The following MAST4 variants were observed in gnomAD, a reference collection of about 807,000 sequenced individuals.
MAST4 encodes microtubule-associated serine/threonine-protein kinase 4.
A neutral mutation model predicts 162.7 loss-of-function variants in MAST4; 89 were observed. The ratio of observed to expected loss-of-function variants is 0.55; its 90% CI spans 0.46 to 0.65. The LOEUF is 0.65. Among genes scored for constraint, MAST4 ranks in the 30% least tolerant of loss-of-function variants. MAST4 has a pLI of 0.00. For synonymous variants in MAST4, 1,479 were observed against 1,361.1 expected (o/e 1.09, Z -1.91); for missense variants, 3,153 against 3,374.0 (o/e 0.93, Z 1.62).
intron 23 of MAST4, among the ~76,000 whole-genome samples, chr5:67,146,768 C>G (rs1771135327): frequency 6.6e-6 from 1 of 152,090 alleles, no homozygotes; most frequent in Non-Finnish European, 1.5e-5. Context: ...TGCGTAATTC[C>G]ACTTATCCTA....
chr5:66,872,896 CCT>C, intron 3 of MAST4, among the ~76,000 whole-genome samples: 1 of 152,232 alleles, frequency 6.6e-6, no homozygotes, highest in Middle Eastern at 3.4e-3. Context: ...TTTTGTTCCC[CCT>C]CTTTCTTTTG....
chr5:66,739,085 A>C (rs2149569742), intron 1 of MAST4, among the ~76,000 whole-genome samples: 1 of 152,308 alleles, frequency 6.6e-6, no homozygotes, highest in East Asian at 1.9e-4. Context: ...CCATCACTTA[A>C]ATGCATTTGT....
intron 15 of MAST4, 97 bp downstream of exon 15, chr5:67,130,515 C>A: frequency 8.1e-7 from 1 of 1,235,234 alleles, no homozygotes; most frequent in Non-Finnish European, 1.1e-6. Flanking sequence ...ATGGCTGTAT[C>A]CACCTAGGAA....
At chr5:66,709,355 G>C (rs2149521499) in intron 1 of MAST4, among the ~76,000 whole-genome samples, 1 of 152,224 alleles carries the variant, frequency 6.6e-6, no homozygotes, top group African/African-American at 2.4e-5. Context: ...TTGCTCTGTT[G>C]CCCAGGCTGG....
At chr5:66,979,594 G>GT (rs1281122932) in intron 4 of MAST4, among the ~76,000 whole-genome samples, 1 of 152,090 alleles carries the variant, frequency 6.6e-6, no homozygotes, top group Non-Finnish European at 1.5e-5. Context: ...GGACACATTT[G>GT]TTTTTTCTTT....
At chr5:66,778,194 C>G (rs1754691261) in intron 2 of MAST4, among the ~76,000 whole-genome samples, 1 of 152,128 alleles carries the variant, frequency 6.6e-6, no homozygotes, top group Admixed American at 6.5e-5. Flanking sequence ...TTTAATACTT[C>G]TTTAAAAATC....
At chr5:67,143,096 A>T (rs1470025162) in intron 21 of MAST4, 1 of 152,328 alleles carries the variant, frequency 6.6e-6, no homozygotes, top group Non-Finnish European at 1.5e-5. Flanking sequence ...ATAAGCAAAG[A>T]TACCTGCGGA....
intron 1 of MAST4, among the ~76,000 whole-genome samples, chr5:66,717,337 A>G: frequency 6.6e-6 from 1 of 152,216 alleles, no homozygotes; most frequent in Admixed American, 6.5e-5. Flanking sequence ...TTTTTAAAAC[A>G]TTTCTTCTCT....
intron 1 of MAST4, among the ~76,000 whole-genome samples, chr5:66,612,938 T>A (rs1248653253): frequency 6.6e-6 from 1 of 152,248 alleles, no homozygotes; most frequent in Non-Finnish European, 1.5e-5. Context: ...TTGTATCTAA[T>A]TAAAAATTAC....
intron 1 of MAST4, among the ~76,000 whole-genome samples, chr5:66,629,881 G>A (rs1428140845): frequency 6.6e-6 from 1 of 152,194 alleles, no homozygotes; most frequent in Non-Finnish European, 1.5e-5. Flanking sequence ...TCAAGTGTAG[G>A]AATATAGTTT....
At chr5:66,884,044 G>T (rs1183257167) in intron 3 of MAST4, among the ~76,000 whole-genome samples, 4 of 152,124 alleles carry the variant, frequency 2.6e-5, no homozygotes, top group Non-Finnish European at 5.9e-5. Context: ...GCTGGTATAT[G>T]GTGTGGCAAT....
At chr5:66,877,992 C>G (rs927441290) in intron 3 of MAST4, among the ~76,000 whole-genome samples, 1 of 152,158 alleles carries the variant, frequency 6.6e-6, no homozygotes, top group Non-Finnish European at 1.5e-5. Context: ...CAGTCAGTTG[C>G]TTCTGTTATG....
At chr5:66,988,973 A>G (rs1016676697) in intron 4 of MAST4, among the ~76,000 whole-genome samples, 1 of 152,240 alleles carries the variant, frequency 6.6e-6, no homozygotes, top group African/African-American at 2.4e-5. Flanking sequence ...TAATTGTTAA[A>G]TTTAATGCTC....
At chr5:66,993,304 T>G (rs1750252071) in intron 4 of MAST4, among the ~76,000 whole-genome samples, 1 of 152,258 alleles carries the variant, frequency 6.6e-6, no homozygotes, top group South Asian at 2.1e-4. Context: ...TTGTTTTTAG[T>G]TAACCTTAGA....
intron 4 of MAST4, among the ~76,000 whole-genome samples, chr5:67,037,431 A>G (rs2150467972): frequency 6.6e-6 from 1 of 152,308 alleles, no homozygotes; most frequent in Middle Eastern, 3.4e-3. Flanking sequence ...CTGGATCTGT[A>G]TTATGGAGTA....
intron 1 of MAST4, among the ~76,000 whole-genome samples, chr5:66,668,200 T>C (rs1382561807): frequency 2.0e-5 from 3 of 152,224 alleles, no homozygotes; most frequent in Non-Finnish European, 2.9e-5. Flanking sequence ...TGTAATTAGA[T>C]ATCAATACCT....
At chr5:66,847,838 A>AG (rs1233847234) in intron 3 of MAST4, among the ~76,000 whole-genome samples, 2 of 150,972 alleles carry the variant, frequency 1.3e-5, no homozygotes, top group Non-Finnish European at 3.0e-5. Context: ...AAAAAAAAAA[A>AG]AAAAAGAAAA....
At chr5:66,881,932 G>T (rs16895807) in intron 3 of MAST4, among the ~76,000 whole-genome samples, 6,059 of 152,214 alleles carry the variant, frequency 0.04, 194 homozygotes, top group East Asian at 0.12. Flanking sequence ...ATCAAGTTTT[G>T]TCCTGCTTCT....
chr5:66,702,992 A>G (rs1749878085), intron 1 of MAST4, among the ~76,000 whole-genome samples: 1 of 152,198 alleles, frequency 6.6e-6, no homozygotes, highest in African/African-American at 2.4e-5. Flanking sequence ...GGAAGTGGCC[A>G]GATGGGACCA....
Sources: gnomAD v4.1 joint callset for allele counts (sites outside exome capture counted in the v4.1 genomes callset) on GRCh38, gnomAD v4.1.1 for gene constraint, MANE v1.5 for transcripts, NCBI Gene and HGNC (gene_info 2026-07-23, HGNC 2026-07-21) for gene names.